The following UTP6 variants were observed in gnomAD, a reference collection of about 807,000 sequenced individuals.
The protein encoded by UTP6 is UTP6 small subunit processome component, also known as U3 small nucleolar RNA-associated protein 6 homolog.
UTP6 carries 60 observed loss-of-function variants against 96.5 expected under a neutral mutation model. That is an observed-to-expected ratio of 0.62 (90% CI 0.51 to 0.77). The LOEUF (loss-of-function observed/expected upper bound fraction) is 0.77, where lower values mean the gene tolerates loss of function less well. Among genes scored for constraint, UTP6 ranks in the 30% least tolerant of loss-of-function variants. The probability of loss-of-function intolerance (pLI) is 0.00; values close to 1 mark genes in which losing one functional copy is unlikely to be tolerated. For synonymous variants in UTP6, 215 were observed against 240.1 expected (o/e 0.90, Z 0.96); for missense variants, 637 against 706.5 (o/e 0.90, Z 1.12).
chr17:31,900,541 C>T (rs1256877513), intron 1 of UTP6, among the ~76,000 whole-genome samples: 3 of 152,276 alleles, frequency 2.0e-5, no homozygotes, highest in Middle Eastern at 3.4e-3. Context: ...CCACCCACCT[C>T]GGCCTCCCAA....
At chr17:31,899,510 T>G in intron 2 of UTP6, 136 bp downstream of exon 2, 1 of 506,002 alleles carries the variant, frequency 2.0e-6, no homozygotes, top group East Asian at 3.8e-5. Flanking sequence ...CGCTTGAGCC[T>G]GGAGGGCAGA....
chr17:31,880,334 T>C (rs1244507720), intron 11 of UTP6: 4 of 444,594 alleles, frequency 9.0e-6, no homozygotes, highest in African/African-American at 2.0e-5. Flanking sequence ...GGCAGGAGAA[T>C]TGCTTGAACC....
At chr17:31,878,449 A>G (rs1366611800) in intron 12 of UTP6, 122 bp from the exon 13 acceptor site, 4 of 993,880 alleles carry the variant, frequency 4.0e-6, no homozygotes, top group East Asian at 2.5e-5. Context: ...TTGCTCCTGC[A>G]TGGTGGTTTC....
chr17:31,893,893 A>G (rs560273465), intron 4 of UTP6, among the ~76,000 whole-genome samples: 2 of 152,182 alleles, frequency 1.3e-5, no homozygotes, highest in South Asian at 4.1e-4. Flanking sequence ...TTTGTTATCT[A>G]TCCAGTTGGT....
intron 17 of UTP6, 56 bp from the exon 18 acceptor site, chr17:31,865,494 A>G (rs1909762300): frequency 6.5e-7 from 1 of 1,533,566 alleles, no homozygotes; most frequent in Non-Finnish European, 9.0e-7. Context: ...TAACAAATTC[A>G]TTCCAACCAT....
chr17:31,865,564 C>A, intron 17 of UTP6, 126 bp from the exon 18 acceptor site: 1 of 873,938 alleles, frequency 1.1e-6, no homozygotes, highest in South Asian at 1.6e-5. Context: ...ATGAACACAA[C>A]TTGGCTCTCA....
At chr17:31,876,193 C>G (rs962692798) in intron 13 of UTP6, among the ~76,000 whole-genome samples, 3 of 151,836 alleles carry the variant, frequency 2.0e-5, no homozygotes, top group African/African-American at 7.2e-5. Flanking sequence ...CCCATCGCCA[C>G]GCCTGGTTAA....
In UTP6 at chr17:31,900,142, C is replaced by CA. The variant is rs934899867; in HGVS notation, c.93-413dup. ...CTGGCGACAGAGCAAGACTCCATCT[C>CA]AAAAAAAAAAAGTATTCTCTTACAC... On this transcript the variant is annotated intron_variant, in intron 1 of 18. Transcript: ENST00000261708. Among the ~76,000 whole-genome samples the CA allele has an allele frequency of 4.1e-3, 583 of 143,488 alleles. 7 individuals are homozygous for CA. The highest frequency in any genetic ancestry group is 0.013 in the African/African-American group (521 of 39,332). The allele number at this position is 143,488 out of a possible 152,430, so 94.1% of individuals were successfully genotyped here.
intron 13 of UTP6, 81 bp downstream of exon 13, chr17:31,878,169 T>C (rs968281645): frequency 3.1e-5 from 44 of 1,405,610 alleles, no homozygotes; most frequent in Non-Finnish European, 3.7e-5. Flanking sequence ...AGACTATATA[T>C]ATTTAAAACA....
chr17:31,877,401 G>C (rs1910556964), intron 13 of UTP6, among the ~76,000 whole-genome samples: 1 of 152,202 alleles, frequency 6.6e-6, no homozygotes, highest in African/African-American at 2.4e-5. Context: ...AGATTCAATA[G>C]TGAACAAATC....
intron 2 of UTP6, among the ~76,000 whole-genome samples, chr17:31,895,804 G>A (rs1384071767): frequency 6.6e-6 from 1 of 151,938 alleles, no homozygotes; most frequent in Non-Finnish European, 1.5e-5. Context: ...AAAGTGCTGG[G>A]ATTATAGGCA....
chr17:31,899,008 G>T (rs1904817293), intron 2 of UTP6, among the ~76,000 whole-genome samples: 1 of 152,150 alleles, frequency 6.6e-6, no homozygotes, highest in Admixed American at 6.6e-5. Flanking sequence ...CTCCAGCCTG[G>T]GTGACAGAGC....
At chr17:31,892,427 G>T in intron 5 of UTP6, 104 bp from the exon 6 acceptor site, 2 of 1,167,326 alleles carry the variant, frequency 1.7e-6, no homozygotes, top group Non-Finnish European at 2.5e-6. Context: ...ATCCAATGGA[G>T]CATGACATGC....
At chr17:31,895,354 T>A (rs568134998) in intron 2 of UTP6, among the ~76,000 whole-genome samples, 24 of 152,314 alleles carry the variant, frequency 1.6e-4, no homozygotes, top group African/African-American at 5.5e-4. Context: ...ACAGTTCGTA[T>A]AAAAATGAAG....
chr17:31,895,039 G>A (rs763570841), intron 2 of UTP6, 28 bp from the exon 3 acceptor site: 1 of 1,490,240 alleles, frequency 6.7e-7, no homozygotes, highest in Non-Finnish European at 9.1e-7. Context: ...ACAAAAAAAT[G>A]AGAAGCTAGA....
intron 18 of UTP6, among the ~76,000 whole-genome samples, chr17:31,864,315 A>G (rs1909696665): frequency 6.6e-6 from 1 of 152,156 alleles, no homozygotes; most frequent in South Asian, 2.1e-4. Context: ...TGAATCTGGG[A>G]GGCAGAGATT....
Position 31,863,071 on chromosome 17 carries a change from T to A in UTP6, c.*288A>T, listed in dbSNP as rs56366914. 8 of 348,994 alleles carry A rather than the reference T, an allele frequency of 2.3e-5. No individual in the cohort carries two copies. The highest frequency in any genetic ancestry group is 1.4e-4 in the African/African-American group (7 of 48,368). 21.6% of individuals were successfully genotyped at this position (348,994 alleles called of 1,614,324 possible). On this transcript the variant is annotated 3_prime_UTR_variant, in exon 19 of 19. Coordinates refer to ENST00000261708, the MANE Select transcript of UTP6 (RefSeq NM_018428.3). ...CAGATTAGCACATCAAACTGAGCAG[T>A]GTCATGCACCTATAATCCCAGCTAC...
chr17:31,886,108 GA>G, intron 8 of UTP6, 47 bp from the exon 9 acceptor site: 1 of 1,541,580 alleles, frequency 6.5e-7, no homozygotes. Context: ...GTACAAGGAG[GA>G]AAAGCACTAG....
intron 2 of UTP6, among the ~76,000 whole-genome samples, chr17:31,897,194 G>T (rs894153877): frequency 6.6e-6 from 1 of 151,940 alleles, no homozygotes; most frequent in African/African-American, 2.4e-5. Flanking sequence ...GCTGAGGCAG[G>T]AGGATCATCT....
Sources: gnomAD v4.1 joint callset for allele counts (sites outside exome capture counted in the v4.1 genomes callset) on GRCh38, gnomAD v4.1.1 for gene constraint, MANE v1.5 for transcripts, NCBI Gene and HGNC (gene_info 2026-07-23, HGNC 2026-07-21) for gene names.